PDK1: variants seen among roughly 807,000 people sequenced by gnomAD.
PDK1 encodes [Pyruvate dehydrogenase (acetyl-transferring)] kinase isozyme 1, mitochondrial.
PDK1 carries 39 observed loss-of-function variants against 54.2 expected under a neutral mutation model. The ratio of observed to expected loss-of-function variants is 0.72; its 90% CI spans 0.56 to 0.94. PDK1 has a LOEUF of 0.94. PDK1 is among the 40% of genes least tolerant of loss of function. The pLI is 0.00. For missense variants in PDK1, 552 were observed against 566.0 expected (o/e 0.98, Z 0.25); for synonymous variants, 221 against 207.1 (o/e 1.07, Z -0.58).
chr2:172,645,142 G>C, the PDK1 span, among the ~76,000 whole-genome samples: 1 of 149,764 alleles, frequency 6.7e-6, no homozygotes, highest in East Asian at 2.0e-4. Flanking sequence ...TTACACTACA[G>C]AAATCAGCAA....
the PDK1 span, among the ~76,000 whole-genome samples, chr2:172,686,274 C>G: frequency 6.6e-6 from 1 of 152,162 alleles, no homozygotes; most frequent in African/African-American, 2.4e-5. Flanking sequence ...AGCTGGATTT[C>G]CTGGGTCAAG....
the PDK1 span, among the ~76,000 whole-genome samples, chr2:172,630,846 T>C: frequency 6.5e-3 from 992 of 152,242 alleles, 9 homozygotes; most frequent in African/African-American, 0.022. Context: ...GCCAGGCTGA[T>C]TTTGAACTCC....
At chr2:172,673,130 C>T in the PDK1 span, among the ~76,000 whole-genome samples, 15 of 152,138 alleles carry the variant, frequency 9.9e-5, no homozygotes, top group South Asian at 1.2e-3. Flanking sequence ...AGATTAAGTG[C>T]GCTGTTTGAC....
rs1469234162 is a variant in PDK1 at position 172,599,637 on chromosome 2, TAAAA to T, written c.*3672_*3675del. The T allele has an allele frequency of 2.0e-5, 3 of 152,138 alleles. No individual in the cohort carries two copies. Among genetic ancestry groups the T allele is most frequent in the African/African-American group, 4.8e-5 (2 of 41,434 alleles). 9.4% of individuals were successfully genotyped at this position (152,138 alleles called of 1,614,324 possible). ...ACTGTGTGAAGAATTTTTTGCATGT[TAAAA>T]AAAGCAAACCACTAGTTTGCTTAGT... On this transcript the variant is annotated 3_prime_UTR_variant, in exon 11 of 11. Transcript: ENST00000282077.
At chr2:172,587,883 C>A (rs553867236) in intron 9 of PDK1, among the ~76,000 whole-genome samples, 2 of 152,118 alleles carry the variant, frequency 1.3e-5, no homozygotes, top group Non-Finnish European at 2.9e-5. Flanking sequence ...CAAGTCCCCA[C>A]CCGATTAGCT....
At chr2:172,590,689 A>T (rs907910937) in intron 9 of PDK1, among the ~76,000 whole-genome samples, 3 of 152,128 alleles carry the variant, frequency 2.0e-5, no homozygotes, top group African/African-American at 7.2e-5. Flanking sequence ...GCAGTGTGGA[A>T]GGGGACCCGA....
chr2:172,717,893 G>A, the PDK1 span, among the ~76,000 whole-genome samples: 13 of 152,202 alleles, frequency 8.5e-5, no homozygotes, highest in East Asian at 2.3e-3. Context: ...TTAGACATCC[G>A]GTAATGTGTA....
the PDK1 span, among the ~76,000 whole-genome samples, chr2:172,613,707 C>A: frequency 2.0e-5 from 3 of 152,186 alleles, no homozygotes; most frequent in Non-Finnish European, 4.4e-5. Flanking sequence ...GGAATACCTA[C>A]CCACTTAAAA....
intron 8 of PDK1, among the ~76,000 whole-genome samples, chr2:172,585,190 G>T (rs1690149984): frequency 1.3e-5 from 2 of 151,590 alleles, no homozygotes; most frequent in South Asian, 4.2e-4. Flanking sequence ...GTAGCGATGG[G>T]GTCTTACTCT....
rs1351566840 is a variant in PDK1 at position 172,599,753 on chromosome 2, A to G, written c.*3784A>G. 3 of 152,140 alleles carry G rather than the reference A, an allele frequency of 2.0e-5. No individual in the cohort carries two copies. Among genetic ancestry groups the G allele is most frequent in the African/African-American group, 7.2e-5 (3 of 41,440 alleles). 9.4% of individuals were successfully genotyped at this position (152,140 alleles called of 1,614,324 possible). On this transcript the variant is annotated 3_prime_UTR_variant, in exon 11 of 11. Coordinates refer to ENST00000282077, the MANE Select transcript of PDK1 (RefSeq NM_002610.5). The stretch of plus-strand genomic sequence containing the variant: ...ACATATGTACCACCCCCCTCTTTCT[A>G]GAGTCTCCACAGTTCTTTAGCAATT...
chr2:172,686,631 A>C, the PDK1 span, among the ~76,000 whole-genome samples: 8 of 152,198 alleles, frequency 5.3e-5, no homozygotes, highest in South Asian at 2.1e-4. Flanking sequence ...TACGCTGTGG[A>C]AGCTTTGTTC....
intron 8 of PDK1, among the ~76,000 whole-genome samples, chr2:172,572,272 T>C (rs1034089290): frequency 7.9e-5 from 12 of 152,220 alleles, no homozygotes; most frequent in African/African-American, 2.7e-4. Flanking sequence ...ATATTTAAGT[T>C]TGTATATGAA....
the PDK1 span, among the ~76,000 whole-genome samples, chr2:172,657,946 G>A: frequency 6.6e-6 from 1 of 152,164 alleles, no homozygotes; most frequent in Non-Finnish European, 1.5e-5. Context: ...TCCACTCCTG[G>A]TGGAAGGTGA....
chr2:172,600,825 A>G lies in PDK1; in HGVS notation c.*4856A>G, dbSNP rs1269372971. 6.6e-6 allele frequency: 1 copy of G among 152,180 alleles called. No individual in the cohort carries two copies. Among genetic ancestry groups the G allele is most frequent in the African/African-American group, 2.4e-5 (1 of 41,422 alleles). The allele number at this position is 152,180 out of a possible 1,614,324, so 9.4% of individuals were successfully genotyped here. On this transcript the variant is annotated 3_prime_UTR_variant, in exon 11 of 11. Coordinates refer to ENST00000282077, the MANE Select transcript of PDK1 (RefSeq NM_002610.5). ...CCATTCCTTGACCACATAGGCTCTT[A>G]GACTCTTATTCTATGTTGTCTTCGT... is the stretch of plus-strand genomic sequence containing the variant.
chr2:172,573,426 T>G (rs988738083), intron 8 of PDK1, among the ~76,000 whole-genome samples: 1 of 152,008 alleles, frequency 6.6e-6, no homozygotes, highest in Non-Finnish European at 1.5e-5. Flanking sequence ...AGTTTTAAAA[T>G]TGGCTGTCTT....
At chr2:172,710,649 A>G in the PDK1 span, among the ~76,000 whole-genome samples, 1 of 152,224 alleles carries the variant, frequency 6.6e-6, no homozygotes. Context: ...AAAGGAAATT[A>G]AGAAATTCAT....
At chr2:172,703,188 A>C in the PDK1 span, among the ~76,000 whole-genome samples, 2,617 of 152,256 alleles carry the variant, frequency 0.017, 72 homozygotes, top group African/African-American at 0.06. Flanking sequence ...CCACAAGGCA[A>C]GGGAAGCCGG....
chr2:172,649,218 A>G, the PDK1 span, among the ~76,000 whole-genome samples: 2 of 152,202 alleles, frequency 1.3e-5, no homozygotes, highest in African/African-American at 4.8e-5. Flanking sequence ...ACCCAGGCAA[A>G]CAGCACCTGG....
Position 172,556,147 on chromosome 2 carries a change from C to T in PDK1, c.-4C>T, listed in dbSNP as rs1688304757. 2 of 1,410,452 alleles carry T rather than the reference C, an allele frequency of 1.4e-6. No homozygotes were observed. Among genetic ancestry groups the T allele is most frequent in the Non-Finnish European group, 1.8e-6 (2 of 1,089,134 alleles). 87.4% of individuals were successfully genotyped at this position (1,410,452 alleles called of 1,614,324 possible). ...TGGCTGTGGCTTCTCTAGCGGGACT[C>T]GGCATGAGGCTGGCGCGGCTGCTTC... On this transcript the variant is annotated 5_prime_UTR_variant, in exon 1 of 11. Transcript: ENST00000282077.
Sources: gnomAD v4.1 joint callset for allele counts (sites outside exome capture counted in the v4.1 genomes callset) on GRCh38, gnomAD v4.1.1 for gene constraint, MANE v1.5 for transcripts, NCBI Gene and HGNC (gene_info 2026-07-23, HGNC 2026-07-21) for gene names.